The following RAB11FIP1 variants were observed in gnomAD, a reference collection of about 807,000 sequenced individuals.
RAB11FIP1 encodes RAB11 family interacting protein 1, also known as rab11 family-interacting protein 1.
RAB11FIP1 carries 49 observed loss-of-function variants against 83.1 expected under a neutral mutation model. The observed-to-expected ratio is 0.59, with a 90% CI of 0.47 to 0.75. The LOEUF (loss-of-function observed/expected upper bound fraction) is 0.75, where lower values mean the gene tolerates loss of function less well. Among genes scored for constraint, RAB11FIP1 ranks in the 30% least tolerant of loss-of-function variants. RAB11FIP1 has a pLI of 0.00. For synonymous variants in RAB11FIP1, 670 were observed against 656.0 expected (o/e 1.02, Z -0.33); for missense variants, 1,536 against 1,598.7 (o/e 0.96, Z 0.67).
At position 37,872,871 on chromosome 8, in the gene RAB11FIP1, A is replaced by G. The variant is rs1399458412; in HGVS notation, c.1931T>C (p.Val644Ala). The G allele has an allele frequency of 6.2e-7, 1 of 1,614,196 alleles. No individual in the cohort carries two copies. The change falls in exon 4 of 6, where the codon GTT (valine) becomes GCT (alanine). Residue 644 changes from valine (V) to alanine (A), a missense_variant. Transcript: ENST00000330843. ...AELQTESLTP[V>A]PNSGSSALGS... ...CAGGGCAGAAGAACCAGAATTTGGAACCGGTGTTAAACTCTCAGTTTGCAA... is the reference window on the plus strand; with the variant it reads ...CAGGGCAGAAGAACCAGAATTTGGAGCCGGTGTTAAACTCTCAGTTTGCAA...
intron 5 of RAB11FIP1, among the ~76,000 whole-genome samples, chr8:37,864,024 G>A (rs1290708528): frequency 6.6e-6 from 1 of 152,230 alleles, no homozygotes; most frequent in Non-Finnish European, 1.5e-5. Flanking sequence ...GCGCTCAGAA[G>A]GACTCAATGA....
At chr8:37,877,922 G>A in intron 1 of RAB11FIP1, 1 of 162,466 alleles carries the variant, frequency 6.2e-6, no homozygotes, top group Non-Finnish European at 1.3e-5. Context: ...GTTTCACCAT[G>A]GTAGCCAGGC....
intron 1 of RAB11FIP1, among the ~76,000 whole-genome samples, chr8:37,894,621 C>T (rs868088564): frequency 9.2e-5 from 14 of 151,414 alleles, no homozygotes; most frequent in African/African-American, 3.4e-4. Context: ...TTAATCTATA[C>T]TTAAGAAATT....
chr8:37,863,757 G>A (rs555479145), intron 5 of RAB11FIP1, among the ~76,000 whole-genome samples: 96 of 152,264 alleles, frequency 6.3e-4, no homozygotes, highest in African/African-American at 2.2e-3. Flanking sequence ...CACAGGTCGA[G>A]GACCTCTGGA....
chr8:37,866,674 GAAAAGA>G (rs1806347359), intron 5 of RAB11FIP1, among the ~76,000 whole-genome samples: 1 of 63,190 alleles, frequency 1.6e-5, no homozygotes, highest in South Asian at 4.4e-4. Context: ...CAACAACCAA[GAAAAGA>G]AAAAAAAAAA....
chr8:37,884,515 G>C (rs1388058519), intron 1 of RAB11FIP1, among the ~76,000 whole-genome samples: 1 of 152,040 alleles, frequency 6.6e-6, no homozygotes, highest in Non-Finnish European at 1.5e-5. Flanking sequence ...AGCCTCTTGA[G>C]GAGCTGGGAC....
At position 37,899,413 on chromosome 8, in the gene RAB11FIP1, C is replaced by A. The variant is rs1211580800; in HGVS notation, c.29G>T (p.Gly10Val). 4 of 1,584,418 alleles carry A rather than the reference C, an allele frequency of 2.5e-6. No homozygotes were observed. The highest frequency in any genetic ancestry group is 3.4e-6 in the Non-Finnish European group (4 of 1,167,488). Residue 10 changes from glycine (G) to valine (V), a missense_variant, in exon 1 of 6, where the codon GGC (glycine) becomes GTC (valine). By Grantham distance (109) the Gly-to-Val change is moderately radical. Coordinates refer to ENST00000330843, the MANE Select transcript of RAB11FIP1 (RefSeq NM_001002814.3). This position sits in a 1 kb window ranked among gnomAD's most constrained non-coding sequence, Gnocchi z 4.5. ...GGTTGGGGACCACACGGCCCCCAGGCCCCGGCCAGCCGAGACCATTAGGGA... is the reference window on the plus strand; with the variant it reads ...GGTTGGGGACCACACGGCCCCCAGGACCCGGCCAGCCGAGACCATTAGGGA... The part of the protein sequence containing the change: MSLMVSAGR[G>V]LGAVWSPTHV...
chr8:37,875,152 G>T lies in RAB11FIP1; in HGVS notation c.985C>A (p.Pro329Thr), dbSNP rs534889858. ...TCCTTGATCTCACCCTTGGCTTCTGGCTGCTCCAGGTAAACATGGTTCCCA... is the reference window on the plus strand; with the variant it reads ...TCCTTGATCTCACCCTTGGCTTCTGTCTGCTCCAGGTAAACATGGTTCCCA... ...INGNHVYLEQPEAKGEIKDSS... is the reference protein window; with the variant it reads ...INGNHVYLEQTEAKGEIKDSS... The change falls in exon 3 of 6, where the codon CCA (proline) becomes ACA (threonine). Residue 329 changes from proline (P) to threonine (T), a missense_variant. Transcript: ENST00000330843. 12 of 1,614,028 alleles carry T rather than the reference G, an allele frequency of 7.4e-6. No homozygotes were observed. In the African/African-American group the frequency reaches 1.6e-4, roughly 22 times the overall value.
Position 37,870,521 on chromosome 8 carries a change from G to A in RAB11FIP1, c.3532C>T (p.Pro1178Ser). ...GTGSAKHRLH[P>S]VKPMNAMATK... ...GCCATTGCATTCATTGGCTTCACAGGATGAAGTCTAAAGAGAAGGGGAAAA... is the reference window on the plus strand; with the variant it reads ...GCCATTGCATTCATTGGCTTCACAGAATGAAGTCTAAAGAGAAGGGGAAAA... Residue 1178 changes from proline (P) to serine (S), a missense_variant, in exon 5 of 6, where the codon CCT (proline) becomes TCT (serine). Physicochemically the swap from Pro to Ser is moderately conservative, Grantham distance 74. Transcript: ENST00000330843. 6.4e-7 allele frequency: 1 copy of A among 1,561,456 alleles called. No individual in the cohort carries two copies. The highest frequency in any genetic ancestry group is 8.8e-7 in the Non-Finnish European group (1 of 1,133,218).
intron 3 of RAB11FIP1, among the ~76,000 whole-genome samples, chr8:37,874,270 G>A (rs1402803476): frequency 6.6e-6 from 1 of 152,226 alleles, no homozygotes; most frequent in East Asian, 1.9e-4. Flanking sequence ...GATCTGATAA[G>A]CTGACTGAAA....
chr8:37,893,492 G>T (rs1806991968), intron 1 of RAB11FIP1, among the ~76,000 whole-genome samples: 1 of 152,076 alleles, frequency 6.6e-6, no homozygotes, highest in African/African-American at 2.4e-5. Flanking sequence ...TTGACTACAA[G>T]AATGGATGAG....
Position 37,862,922 on chromosome 8 carries a change from C to A in RAB11FIP1, c.3825G>T (p.Gln1275His). The A allele has an allele frequency of 6.2e-7, 1 of 1,609,112 alleles. No individual in the cohort carries two copies. The highest frequency in any genetic ancestry group is 1.1e-5 in the South Asian group (1 of 90,686). Reference protein sequence around the residue: ...ETPNILRIPTQVGKKAGKM With the variant: ...ETPNILRIPTHVGKKAGKM ...ACATCTTTCCTGCTTTTTTGCCAAC[C>A]TGAGTCGGGATGCGGAGGATATTGG... Residue 1275 changes from glutamine to histidine, a missense_variant, in exon 6 of 6, where the codon CAG becomes CAT. Physicochemically the swap from Gln to His is conservative, Grantham distance 24. Coordinates refer to ENST00000330843, the MANE Select transcript of RAB11FIP1 (RefSeq NM_001002814.3).
At chr8:37,889,387 T>C (rs1303274345) in intron 1 of RAB11FIP1, among the ~76,000 whole-genome samples, 1 of 152,242 alleles carries the variant, frequency 6.6e-6, no homozygotes, top group East Asian at 1.9e-4. Flanking sequence ...CCCATCATCA[T>C]GACTTACCAA....
In RAB11FIP1 at chr8:37,874,578, T is replaced by C. The variant is rs1375651651; in HGVS notation, c.1559A>G (p.Lys520Arg). The change falls in exon 3 of 6, where the codon AAG becomes AGG. Residue 520 changes from lysine (K) to arginine (R), a missense_variant. Transcript: ENST00000330843. ...GGAAATTGGAGGTCTCGGTTCAGAC[T>C]TGGACTCTGGCTCAGCTTCTGGTTC... ...ITEPEAEPESKSEPRPPISSP... is the reference protein window; with the variant it reads ...ITEPEAEPESRSEPRPPISSP... 1.2e-6 allele frequency: 2 copies of C among 1,614,154 alleles called. No homozygotes were observed. Among genetic ancestry groups the C allele is most frequent in the African/African-American group, 2.7e-5 (2 of 75,040 alleles).
At chr8:37,885,277 G>A (rs1056440421) in intron 1 of RAB11FIP1, among the ~76,000 whole-genome samples, 1 of 152,186 alleles carries the variant, frequency 6.6e-6, no homozygotes, top group African/African-American at 2.4e-5. Flanking sequence ...TTACAGGTGT[G>A]AGCCAGAAGG....
chr8:37,865,473 C>T (rs1451453568), intron 5 of RAB11FIP1, among the ~76,000 whole-genome samples: 1 of 152,108 alleles, frequency 6.6e-6, no homozygotes. Flanking sequence ...GCACCTGCCA[C>T]CACATCCAGC....
intron 4 of RAB11FIP1, 159 bp from the exon 5 acceptor site, chr8:37,870,687 T>C: frequency 1.8e-6 from 1 of 548,526 alleles, no homozygotes; most frequent in Non-Finnish European, 3.3e-6. Context: ...TCAGTTCCTG[T>C]GGAAACAAAA....
chr8:37,880,947 A>G (rs1806722835), intron 1 of RAB11FIP1, among the ~76,000 whole-genome samples: 1 of 152,186 alleles, frequency 6.6e-6, no homozygotes, highest in Non-Finnish European at 1.5e-5. Flanking sequence ...GACTTAAAGG[A>G]AATGATGGTT....
chr8:37,866,197 T>C (rs1367574118), intron 5 of RAB11FIP1, among the ~76,000 whole-genome samples: 1 of 151,992 alleles, frequency 6.6e-6, no homozygotes, highest in African/African-American at 2.4e-5. Flanking sequence ...TATCCAGGCA[T>C]GGTGGCGGGC....
Sources: gnomAD v4.1 joint callset for allele counts (sites outside exome capture counted in the v4.1 genomes callset) on GRCh38, gnomAD v4.1.1 for gene constraint, Gnocchi (gnomAD v3.1) non-coding constraint, MANE v1.5 for transcripts, NCBI Gene and HGNC (gene_info 2026-07-23, HGNC 2026-07-21) for gene names.